Variants in CCND2 observed in about 807,000 individuals in gnomAD.
The protein encoded by CCND2 is cyclin D2.
Under a neutral mutation model 30.2 loss-of-function variants are expected in CCND2, and 6 were observed. That is an observed-to-expected ratio of 0.20 (90% CI 0.11 to 0.39). The LOEUF (loss-of-function observed/expected upper bound fraction) is 0.39. CCND2 is among the 10% of genes least tolerant of loss of function. CCND2 has a pLI of 1.00. For missense variants in CCND2, 235 were observed against 373.4 expected (o/e 0.63, Z 3.06); for synonymous variants, 150 against 153.1 (o/e 0.98, Z 0.15).
chr12:4,282,468 T>C lies in CCND2; in HGVS notation c.571+3549T>C, dbSNP rs1334385294. Among the ~76,000 whole-genome samples the C allele has an allele frequency of 1.3e-5, 2 of 152,146 alleles. No individual in the cohort carries two copies. Among genetic ancestry groups the C allele is most frequent in the Non-Finnish European group, 2.9e-5 (2 of 68,018 alleles). ...CCATCGCCAAGTGAGAGGGAGACAG[T>C]GGTGGCCCAGAGAAGTTCGATGACT... On this transcript the variant is annotated intron_variant, in intron 3 of 4. Coordinates refer to ENST00000261254, the MANE Select transcript of CCND2 (RefSeq NM_001759.4). This position sits in a 1 kb window ranked among gnomAD's most constrained non-coding sequence, Gnocchi z 4.3.
At chr12:4,291,557 C>T (rs181700719) in intron 4 of CCND2, among the ~76,000 whole-genome samples, 60 of 152,144 alleles carry the variant, frequency 3.9e-4, no homozygotes, top group African/African-American at 1.3e-3. Context: ...AAGAGTAAAG[C>T]GTGCAAAACC....
At chr12:4,283,029 C>T (rs1412431417) in intron 3 of CCND2, among the ~76,000 whole-genome samples, 1 of 152,210 alleles carries the variant, frequency 6.6e-6, no homozygotes, top group African/African-American at 2.4e-5. Flanking sequence ...AAGCCATCAC[C>T]CCTGCACCCC....
rs1864125961 is a variant in CCND2, at chr12:4,293,436, G to A, written c.720+4446G>A. Among the ~76,000 whole-genome samples, 1 of 152,150 alleles carries A rather than the reference G, an allele frequency of 6.6e-6. No homozygotes were observed. The highest frequency in any genetic ancestry group is 1.5e-5 in the Non-Finnish European group (1 of 68,036). On this transcript the variant is annotated intron_variant, in intron 4 of 4. Coordinates refer to ENST00000261254, the MANE Select transcript of CCND2 (RefSeq NM_001759.4). The surrounding 1 kb of genome is among the most constrained non-coding windows in gnomAD (Gnocchi z 4.9). ...GCAAAAAACAAAACTTTAGATTCAG[G>A]GGATCCATGTGCGGTTTGTTACGTG...
At position 4,301,789 on chromosome 12, in the gene CCND2, A is replaced by C. The variant is rs1864253673; in HGVS notation, c.*1780A>C. 1 of 231,370 alleles carries C rather than the reference A, an allele frequency of 4.3e-6. No individual in the cohort carries two copies. The highest frequency in any genetic ancestry group is 2.2e-5 in the African/African-American group (1 of 45,146). The allele number at this position is 231,370 out of a possible 1,614,324, so 14.3% of individuals were successfully genotyped here. ...CACAGAGTGTGCTGCTATTTTATAA[A>C]CATTTTTATAATATATTATTTTACT... On this transcript the variant is annotated 3_prime_UTR_variant, in exon 5 of 5. Coordinates refer to ENST00000261254, the MANE Select transcript of CCND2 (RefSeq NM_001759.4).
intron 1 of CCND2, 34 bp from the exon 2 acceptor site, chr12:4,275,971 C>G (rs772731329): frequency 7.8e-7 from 1 of 1,281,696 alleles, no homozygotes; most frequent in Non-Finnish European, 1.1e-6. Flanking sequence ...GCTCTCCACC[C>G]CCGCCCCCCA....
chr12:4,297,705 C>T (rs1034638118), intron 4 of CCND2: 29 of 227,596 alleles, frequency 1.3e-4, no homozygotes, highest in African/African-American at 5.8e-4. Flanking sequence ...GGGGAAGAGC[C>T]GAACAGGGAT....
Position 4,274,083 on chromosome 12 carries a change from G to C in CCND2, c.43G>C (p.Val15Leu), listed in dbSNP as rs1374736402. Reference sequence around the variant, plus strand: ...CGAGGTGGACCCGGTCCGCAGGGCCGTGCGGGACCGCAACCTGCTCCGAGA... The same window carrying C: ...CGAGGTGGACCCGGTCCGCAGGGCCCTGCGGGACCGCAACCTGCTCCGAGA... Reference protein sequence around the residue: ...CHEVDPVRRAVRDRNLLRDDR... With the variant: ...CHEVDPVRRALRDRNLLRDDR... Residue 15 changes from valine to leucine, a missense_variant, in exon 1 of 5, where the codon GTG (valine) becomes CTG (leucine). Physicochemically the swap from Val to Leu is conservative, Grantham distance 32. Around this residue, in one of 2 missense-constraint regions of CCND2, gnomAD observed 178 missense variants for 322.8 expected, o/e 0.55. Transcript: ENST00000261254. This position sits in a 1 kb window ranked among gnomAD's most constrained non-coding sequence, Gnocchi z 7.7. 5.0e-6 allele frequency: 8 copies of C among 1,613,482 alleles called. No individual in the cohort carries two copies. Among genetic ancestry groups the C allele is most frequent in the African/African-American group, 1.3e-5 (1 of 75,050 alleles).
At chr12:4,295,950 G>A (rs1228252482) in intron 4 of CCND2, among the ~76,000 whole-genome samples, 3 of 152,186 alleles carry the variant, frequency 2.0e-5, no homozygotes, top group East Asian at 1.9e-4. Flanking sequence ...TACTGTGCAC[G>A]CACATGTCAC....
Position 4,299,033 on chromosome 12 carries a change from G to A in CCND2, c.721-827G>A, listed in dbSNP as rs1267054592. Among the ~76,000 whole-genome samples the A allele has an allele frequency of 6.6e-6, 1 of 151,966 alleles. No individual in the cohort carries two copies. Among genetic ancestry groups the A allele is most frequent in the African/African-American group, 2.4e-5 (1 of 41,318 alleles). On this transcript the variant is annotated intron_variant, in intron 4 of 4. Transcript: ENST00000261254. This position sits in a 1 kb window ranked among gnomAD's most constrained non-coding sequence, Gnocchi z 5.2. ...ATATCTTTATGAGAGTTAAGGAAAT[G>A]GTAAAGAAGCAGAAAAAGTTGGGGA... is the stretch of plus-strand genomic sequence containing the variant.
chr12:4,278,847 C>T lies in CCND2; in HGVS notation c.499C>T (p.Leu167=), dbSNP rs772219090. The change falls in exon 3 of 5, where the codon CTG becomes TTG. Residue 167 remains leucine, a synonymous_variant. Coordinates refer to ENST00000261254, the MANE Select transcript of CCND2 (RefSeq NM_001759.4). ...CTTCATTGAGCACATCTTGCGCAAG[C>T]TGCCCCAGCAGCGGGAGAAGCTGTC... ...HDFIEHILRK[L]PQQREKLSLI... is the part of the protein sequence containing the mutation. 5 of 1,614,098 alleles carry T rather than the reference C, an allele frequency of 3.1e-6. No individual in the cohort carries two copies. In the African/African-American group the frequency reaches 5.3e-5, roughly 17 times the overall value.
rs993710723 is a variant in CCND2 at position 4,303,424 on chromosome 12, C to T, written c.*3415C>T. 4.3e-6 allele frequency: 1 copy of T among 233,442 alleles called. No individual in the cohort carries two copies. Among genetic ancestry groups the T allele is most frequent in the Non-Finnish European group, 8.5e-6 (1 of 118,134 alleles). The allele number at this position is 233,442 out of a possible 1,614,324, so 14.5% of individuals were successfully genotyped here. A position where few individuals can be genotyped will look rare whatever the true frequency, so the allele number is the denominator to read the frequency against. On this transcript the variant is annotated 3_prime_UTR_variant, in exon 5 of 5. Coordinates refer to ENST00000261254, the MANE Select transcript of CCND2 (RefSeq NM_001759.4). The surrounding 1 kb of genome is among the most constrained non-coding windows in gnomAD (Gnocchi z 4.6). ...GCTCTTTTTGTTGTTGTTGTTCTTT[C>T]TCTTCTTTTTCTTACCTCCCACTAA...
At position 4,301,547 on chromosome 12, in the gene CCND2, A is replaced by G; in HGVS notation, c.*1538A>G. The G allele has an allele frequency of 4.3e-6, 1 of 232,074 alleles. No homozygotes were observed. The highest frequency in any genetic ancestry group is 8.5e-6 in the Non-Finnish European group (1 of 117,546). The allele number at this position is 232,074 out of a possible 1,614,324, so 14.4% of individuals were successfully genotyped here. A position where few individuals can be genotyped will look rare whatever the true frequency, so the allele number is the denominator to read the frequency against. ...TGTTAAAATATTTGCCTTTTTAAGT[A>G]AAAAAGAAAAATCAGAACAGGGCTA... is the stretch of plus-strand genomic sequence containing the variant. On this transcript the variant is annotated 3_prime_UTR_variant, in exon 5 of 5. Coordinates refer to ENST00000261254, the MANE Select transcript of CCND2 (RefSeq NM_001759.4).
At position 4,304,246 on chromosome 12, in the gene CCND2, G is replaced by C; in HGVS notation, c.*4237G>C. The C allele has an allele frequency of 4.3e-6, 1 of 233,712 alleles. No individual in the cohort carries two copies. Among genetic ancestry groups the C allele is most frequent in the Non-Finnish European group, 8.5e-6 (1 of 118,030 alleles). 14.5% of individuals were successfully genotyped at this position (233,712 alleles called of 1,614,324 possible). A position where few individuals can be genotyped will look rare whatever the true frequency, so the allele number is the denominator to read the frequency against. ...GTAGTGTGGGAATTGGAGGTAGGAA[G>C]GGGAGGAAGTCTGAGTAAGCCAGTT... On this transcript the variant is annotated 3_prime_UTR_variant, in exon 5 of 5. Transcript: ENST00000261254. The surrounding 1 kb of genome is among the most constrained non-coding windows in gnomAD (Gnocchi z 6.2).
Position 4,285,472 on chromosome 12 carries a change from T to C in CCND2, c.572-3370T>C. 1.0e-6 allele frequency: 1 copy of C among 966,946 alleles called. No homozygotes were observed. The highest frequency in any genetic ancestry group is 1.2e-6 in the Non-Finnish European group (1 of 813,016). 59.9% of individuals were successfully genotyped at this position (966,946 alleles called of 1,614,324 possible). ...TGTTAAAATAATATTACGTACAAAT[T>C]TTACAAACTCATCTGTGTTTCTCCC... On this transcript the variant is annotated intron_variant, in intron 3 of 4. Coordinates refer to ENST00000261254, the MANE Select transcript of CCND2 (RefSeq NM_001759.4). The surrounding 1 kb of genome is among the most constrained non-coding windows in gnomAD (Gnocchi z 4.1).
chr12:4,294,408 T>G (rs1864140383), intron 4 of CCND2, among the ~76,000 whole-genome samples: 1 of 152,114 alleles, frequency 6.6e-6, no homozygotes, highest in Admixed American at 6.6e-5. Context: ...TTTAATCAGC[T>G]TAATTTGGGG....
At chr12:4,281,758 A>C (rs1591645849) in intron 3 of CCND2, among the ~76,000 whole-genome samples, 1 of 151,936 alleles carries the variant, frequency 6.6e-6, no homozygotes, top group African/African-American at 2.4e-5. Flanking sequence ...GGGAAGGGAG[A>C]GCAGGAGAAC....
Position 4,287,392 on chromosome 12 carries a change from G to A in CCND2, c.572-1450G>A, listed in dbSNP as rs547684086. On this transcript the variant is annotated intron_variant, in intron 3 of 4. Transcript: ENST00000261254. The surrounding 1 kb of genome is among the most constrained non-coding windows in gnomAD (Gnocchi z 4.0). Reference sequence around the variant, plus strand: ...AGGAAGGGGAAATAGGAGAGGGGCTGGTTTTTGTAGATTTAACCTGATTGT... The same window carrying A: ...AGGAAGGGGAAATAGGAGAGGGGCTAGTTTTTGTAGATTTAACCTGATTGT... Among the ~76,000 whole-genome samples, 1 of 152,230 alleles carries A rather than the reference G, an allele frequency of 6.6e-6. No individual in the cohort carries two copies. Among genetic ancestry groups the A allele is most frequent in the South Asian group, 2.1e-4 (1 of 4,810 alleles).
chr12:4,284,721 C>CTT (rs545047517), intron 3 of CCND2, among the ~76,000 whole-genome samples: 36 of 144,234 alleles, frequency 2.5e-4, no homozygotes, highest in African/African-American at 5.9e-4. Flanking sequence ...AGCCTCCTTT[C>CTT]TTTTTTTTTT....
chr12:4,281,549 C>T (rs914247459), intron 3 of CCND2, among the ~76,000 whole-genome samples: 2 of 151,880 alleles, frequency 1.3e-5, no homozygotes, highest in Admixed American at 1.3e-4. Flanking sequence ...CTCCTTTTCT[C>T]GCAGTCCTGG....
Sources: allele counts gnomAD v4.1 joint callset (sites outside exome capture counted in the v4.1 genomes callset), GRCh38; gene constraint gnomAD v4.1.1; regional missense constraint gnomAD v4.1.1; non-coding constraint Gnocchi (gnomAD v3.1); transcripts MANE v1.5; gene names NCBI Gene and HGNC (gene_info 2026-07-23, HGNC 2026-07-21).